GSE1: variants seen among roughly 807,000 people sequenced by gnomAD.
GSE1 encodes Gse1 coiled-coil protein.
Under a neutral mutation model 112.6 loss-of-function variants are expected in GSE1, and 32 were observed. The ratio of observed to expected loss-of-function variants is 0.28; its 90% CI spans 0.21 to 0.38. The LOEUF (loss-of-function observed/expected upper bound fraction) is 0.38. Among genes scored for constraint, GSE1 ranks in the 10% least tolerant of loss-of-function variants. The pLI, the probability that GSE1 is intolerant of heterozygous loss-of-function variation, is 1.00. For synonymous variants in GSE1, 1,115 were observed against 735.6 expected, an observed-to-expected ratio of 1.52 and a Z score of -8.35; for missense variants, 2,348 against 1,699.2, an observed-to-expected ratio of 1.38 and a Z score of -6.71.
chr16:85,239,230 C>A (rs1352839625), intron 1 of GSE1, among the ~76,000 whole-genome samples: 1 of 152,214 alleles, frequency 6.6e-6, no homozygotes, highest in African/African-American at 2.4e-5. Flanking sequence ...CCACGCCAGG[C>A]CTGGCAGTGG....
intron 1 of GSE1, among the ~76,000 whole-genome samples, chr16:85,293,635 G>C (rs1178711817): frequency 6.6e-6 from 1 of 152,206 alleles, no homozygotes; most frequent in African/African-American, 2.4e-5. Flanking sequence ...CGGAATCAGG[G>C]TGTCAGCGGG....
chr16:85,639,905 T>C (rs12933522), intron 2 of GSE1, among the ~76,000 whole-genome samples: 14,702 of 151,454 alleles, frequency 0.097, 733 homozygotes, highest in African/African-American at 0.13. Flanking sequence ...CGGGGAGCCT[T>C]GCGTGTCCTC....
intron 2 of GSE1, among the ~76,000 whole-genome samples, chr16:85,519,734 T>TCACCAC (rs1384429371): frequency 2.7e-5 from 2 of 75,318 alleles, no homozygotes; most frequent in African/African-American, 1.0e-4. Context: ...ACCATCACCA[T>TCACCAC]CACCACCATC....
chr16:85,520,056 A>G (rs1488373856), intron 2 of GSE1, among the ~76,000 whole-genome samples: 2 of 152,184 alleles, frequency 1.3e-5, no homozygotes, highest in Non-Finnish European at 2.9e-5. Context: ...CTATAACAAA[A>G]TACCATAGAC....
At chr16:85,338,483 G>A (rs767211094) in intron 1 of GSE1, among the ~76,000 whole-genome samples, 8 of 152,222 alleles carry the variant, frequency 5.3e-5, no homozygotes, top group Non-Finnish European at 8.8e-5. Flanking sequence ...TCAAATGGGC[G>A]TATAATGATA....
intron 2 of GSE1, among the ~76,000 whole-genome samples, chr16:85,430,080 C>T (rs114971152): frequency 0.012 from 1,860 of 152,302 alleles, 45 homozygotes; most frequent in African/African-American, 0.043. Context: ...GGGGTTCAGT[C>T]GGAGCCCAGT....
chr16:85,614,044 CCT>C lies in GSE1; in HGVS notation c.7+654_7+655del, dbSNP rs1211000591. 1.9e-3 allele frequency among the ~76,000 whole-genome samples: 291 copies of C among 151,590 alleles called. 4 individuals are homozygous for C. The highest frequency in any genetic ancestry group is 0.013 in the East Asian group (67 of 5,076). The stretch of plus-strand genomic sequence containing the variant: ...GCGCCCCGGGCTCGGCCGCTTCTCT[CCT>C]CTCTCTCCCCCCACCCCCGGCGGAG... On this transcript the variant is annotated intron_variant, in intron 1 of 15. Coordinates refer to ENST00000253458, the MANE Select transcript of GSE1 (RefSeq NM_014615.5).
intron 2 of GSE1, among the ~76,000 whole-genome samples, chr16:85,399,503 C>T (rs960226839): frequency 2.0e-5 from 3 of 152,238 alleles, no homozygotes; most frequent in African/African-American, 7.2e-5. Flanking sequence ...TGTACCTTGT[C>T]CCTAGTTTCA....
At chr16:85,622,402 C>G (rs376047958) in intron 1 of GSE1, among the ~76,000 whole-genome samples, 1 of 152,158 alleles carries the variant, frequency 6.6e-6, no homozygotes. Flanking sequence ...TGTATTTCCT[C>G]TGTCCAGGCA....
At chr16:85,621,478 G>A (rs980774570) in intron 1 of GSE1, among the ~76,000 whole-genome samples, 1 of 152,200 alleles carries the variant, frequency 6.6e-6, no homozygotes, top group African/African-American at 2.4e-5. Context: ...GTTTTACAAC[G>A]TGTTGTTTCC....
chr16:85,434,695 G>C (rs2049202846), intron 2 of GSE1, among the ~76,000 whole-genome samples: 1 of 152,242 alleles, frequency 6.6e-6, no homozygotes, highest in Non-Finnish European at 1.5e-5. Flanking sequence ...GCACGCATCT[G>C]TAATCCCAGC....
At chr16:85,169,841 C>T (rs991925629) in exon 1 of GSE1, 8 of 984,436 alleles carry the variant, frequency 8.1e-6, no homozygotes, top group Admixed American at 6.2e-5. Context: ...CGCGCCCGCA[C>T]GCCGGTGGAC....
intron 2 of GSE1, among the ~76,000 whole-genome samples, chr16:85,544,556 G>A (rs755418314): frequency 6.6e-6 from 1 of 152,194 alleles, no homozygotes. Flanking sequence ...TCCCACTCTG[G>A]TCTGTCGCAC....
Position 85,668,250 on chromosome 16 carries a change from G to A in GSE1, c.3241G>A (p.Gly1081Arg). 1 of 1,611,224 alleles carries A rather than the reference G, an allele frequency of 6.2e-7. No individual in the cohort carries two copies. The highest frequency in any genetic ancestry group is 8.5e-7 in the Non-Finnish European group (1 of 1,177,408). Residue 1081 changes from glycine to arginine, a missense_variant, in exon 14 of 16, where the codon GGG becomes AGG. Physicochemically the swap from Gly to Arg is moderately radical, Grantham distance 125. Coordinates refer to ENST00000253458, the MANE Select transcript of GSE1 (RefSeq NM_014615.5). ...CCGCGCCCCTCCACCCCAGCACAAT[G>A]GGCAGCAGGAGCCCCCCACTGCAAG... ...SSRAPPPQHN[G>R]QQEPPTARKG...
intron 1 of GSE1, among the ~76,000 whole-genome samples, chr16:85,294,645 CTCTCTCTCTCTCTG>C (rs1308114536): frequency 5.6e-4 from 70 of 124,802 alleles, no homozygotes; most frequent in African/African-American, 1.9e-3. Context: ...CTCTCTCTCT[CTCTCTCTCTCTCTG>C]TCTCTCTCTC....
At chr16:85,436,968 G>C (rs914692579) in intron 2 of GSE1, among the ~76,000 whole-genome samples, 4 of 152,202 alleles carry the variant, frequency 2.6e-5, no homozygotes, top group African/African-American at 9.7e-5. Flanking sequence ...GGGGAGGGGA[G>C]GTTACCGTCG....
intron 1 of GSE1, among the ~76,000 whole-genome samples, chr16:85,267,223 C>T (rs1035976063): frequency 6.6e-6 from 1 of 152,210 alleles, no homozygotes; most frequent in Non-Finnish European, 1.5e-5. Context: ...GCCACATCCT[C>T]GGCCCCCTCC....
At chr16:85,626,168 G>A (rs1008918660) in intron 1 of GSE1, among the ~76,000 whole-genome samples, 15 of 152,094 alleles carry the variant, frequency 9.9e-5, no homozygotes, top group African/African-American at 3.4e-4. Flanking sequence ...CAAGCAGGCT[G>A]CCCCCATGTG....
chr16:85,335,970 C>T (rs988399930), intron 1 of GSE1, among the ~76,000 whole-genome samples: 1 of 152,138 alleles, frequency 6.6e-6, no homozygotes, highest in South Asian at 2.1e-4. Context: ...GGGCTGGGGT[C>T]CCAGGAGGAC....
Sources: allele counts gnomAD v4.1 joint callset (sites outside exome capture counted in the v4.1 genomes callset), GRCh38; gene constraint gnomAD v4.1.1; transcripts MANE v1.5; gene names NCBI Gene and HGNC (gene_info 2026-07-23, HGNC 2026-07-21).